GLI3: variants seen among roughly 807,000 people sequenced by gnomAD.
GLI3 encodes GLI family zinc finger 3.
A neutral mutation model predicts 100.8 loss-of-function variants in GLI3; 20 were observed. The observed-to-expected ratio is 0.20, with a 90% CI of 0.14 to 0.29. The LOEUF is 0.29. GLI3 is among the 10% of genes least tolerant of loss of function. The pLI, the probability that GLI3 is intolerant of heterozygous loss-of-function variation, is 1.00. For synonymous variants in GLI3, 938 were observed against 860.5 expected (o/e 1.09, Z -1.58); for missense variants, 2,040 against 2,128.5 (o/e 0.96, Z 0.82).
intron 4 of GLI3, among the ~76,000 whole-genome samples, chr7:42,062,270 A>G (rs1042399453): frequency 6.6e-6 from 1 of 152,150 alleles, no homozygotes; most frequent in Non-Finnish European, 1.5e-5. Flanking sequence ...CTTAGCTTTG[A>G]CCATGTTATA....
intron 4 of GLI3, among the ~76,000 whole-genome samples, chr7:42,055,510 G>A (rs1022132732): frequency 6.6e-6 from 1 of 152,046 alleles, no homozygotes; most frequent in Non-Finnish European, 1.5e-5. Flanking sequence ...GTATGGCATT[G>A]CTCCCCCAAG....
At chr7:42,253,700 G>A (rs1213658208) in intron 1 of GLI3, among the ~76,000 whole-genome samples, 2 of 152,088 alleles carry the variant, frequency 1.3e-5, no homozygotes, top group African/African-American at 2.4e-5. Flanking sequence ...CATCTGTAAG[G>A]TCCTAGGCCT....
chr7:42,083,659 A>G (rs1049591720), intron 3 of GLI3, among the ~76,000 whole-genome samples: 1 of 152,198 alleles, frequency 6.6e-6, no homozygotes, highest in African/African-American at 2.4e-5. Flanking sequence ...TGCAGAAATT[A>G]TTACATTTCA....
chr7:42,056,125 G>A (rs537825788), intron 4 of GLI3, among the ~76,000 whole-genome samples: 1 of 152,294 alleles, frequency 6.6e-6, no homozygotes, highest in Admixed American at 6.5e-5. Context: ...GGAACTGTAA[G>A]TCCATTAAAC....
At chr7:42,090,063 A>G (rs1785185485) in intron 3 of GLI3, among the ~76,000 whole-genome samples, 1 of 152,224 alleles carries the variant, frequency 6.6e-6, no homozygotes, top group Admixed American at 6.5e-5. Context: ...CAACCGTAAC[A>G]CAATGATAAA....
chr7:42,020,025 C>T (rs1227501419), intron 10 of GLI3, among the ~76,000 whole-genome samples: 1 of 152,048 alleles, frequency 6.6e-6, no homozygotes, highest in Non-Finnish European at 1.5e-5. Context: ...AATTAAACAT[C>T]CCTGTGATAA....
chr7:41,993,830 C>T (rs1417801638), intron 10 of GLI3, among the ~76,000 whole-genome samples: 4 of 152,150 alleles, frequency 2.6e-5, no homozygotes, highest in African/African-American at 4.8e-5. Flanking sequence ...CCTGTGATTG[C>T]TCTATTCCCC....
intron 7 of GLI3, among the ~76,000 whole-genome samples, chr7:42,035,295 G>T (rs1030724382): frequency 6.6e-6 from 1 of 152,226 alleles, no homozygotes; most frequent in African/African-American, 2.4e-5. Flanking sequence ...AGGCCGAGCT[G>T]ACTTCCACCC....
intron 4 of GLI3, among the ~76,000 whole-genome samples, chr7:42,057,399 A>C (rs1784485192): frequency 6.6e-6 from 1 of 152,226 alleles, no homozygotes; most frequent in East Asian, 1.9e-4. Flanking sequence ...GCAAGCTAGA[A>C]CTACCTCTTT....
At position 42,170,243 on chromosome 7, in the gene GLI3, CTG is replaced by C. The variant is rs1422192757; in HGVS notation, c.125-21777_125-21776del. 4.0e-5 allele frequency among the ~76,000 whole-genome samples: 5 copies of C among 125,164 alleles called. No homozygotes were observed. The South Asian group carries it at 1.3e-3, about 33-fold the overall frequency. The allele number at this position is 125,164 out of a possible 152,430, so 82.1% of individuals were successfully genotyped here. ...CTCCAGCCTGGGCGACAAAGCAAGA[CTG>C]TGTTTCAAAAAAAAAAAAAATTATA... On this transcript the variant is annotated intron_variant, in intron 2 of 14. Transcript: ENST00000395925.
intron 4 of GLI3, among the ~76,000 whole-genome samples, chr7:42,063,118 G>GT (rs1256613696): frequency 2.6e-5 from 4 of 152,054 alleles, no homozygotes. Flanking sequence ...AGAAGTGCTC[G>GT]TTTTTCATTT....
chr7:42,202,363 C>T (rs1463674479), intron 2 of GLI3, among the ~76,000 whole-genome samples: 1 of 151,364 alleles, frequency 6.6e-6, no homozygotes, highest in Non-Finnish European at 1.5e-5. Context: ...CACACACACA[C>T]ACACACACAC....
chr7:42,192,691 T>C (rs916200566), intron 2 of GLI3, among the ~76,000 whole-genome samples: 2 of 152,214 alleles, frequency 1.3e-5, no homozygotes, highest in Non-Finnish European at 2.9e-5. Flanking sequence ...AAATGTTTAA[T>C]CTGGAAAATC....
intron 12 of GLI3, among the ~76,000 whole-genome samples, chr7:41,975,302 T>A (rs1787480966): frequency 1.3e-5 from 2 of 152,210 alleles, no homozygotes; most frequent in South Asian, 4.1e-4. Flanking sequence ...AAGTATTTGT[T>A]CAATGAATAA....
At chr7:42,015,749 ACC>A in intron 10 of GLI3, among the ~76,000 whole-genome samples, 1 of 151,682 alleles carries the variant, frequency 6.6e-6, no homozygotes, top group East Asian at 1.9e-4. Context: ...ACACACACAC[ACC>A]CACCCCCCCA....
intron 12 of GLI3, among the ~76,000 whole-genome samples, chr7:41,973,583 G>A (rs1350011283): frequency 2.6e-5 from 4 of 152,104 alleles, no homozygotes; most frequent in African/African-American, 4.8e-5. Context: ...TATAATATAC[G>A]CAAGAATGCT....
chr7:42,223,318 C>T (rs1427814397), intron 1 of GLI3, 23 bp from the exon 2 acceptor site: 2 of 1,288,706 alleles, frequency 1.6e-6, no homozygotes, highest in East Asian at 2.5e-5. Context: ...ACAGAGCCAT[C>T]AACTTTCCAA....
chr7:41,973,228 G>A (rs1364136488), intron 12 of GLI3, among the ~76,000 whole-genome samples: 1 of 152,214 alleles, frequency 6.6e-6, no homozygotes, highest in Admixed American at 6.5e-5. Flanking sequence ...GTGTGGGGAT[G>A]TTCAGGGCTC....
intron 3 of GLI3, among the ~76,000 whole-genome samples, chr7:42,134,174 G>A (rs976740133): frequency 6.6e-6 from 1 of 152,164 alleles, no homozygotes. Flanking sequence ...CCTGGCAGTG[G>A]GGTAGGTAGT....
Sources: gnomAD v4.1 joint callset for allele counts (sites outside exome capture counted in the v4.1 genomes callset) on GRCh38, gnomAD v4.1.1 for gene constraint, MANE v1.5 for transcripts, NCBI Gene and HGNC (gene_info 2026-07-23, HGNC 2026-07-21) for gene names.